The following DPY19L1 variants were observed in gnomAD, a reference collection of about 807,000 sequenced individuals.
The protein encoded by DPY19L1 is dpy-19 like C-mannosyltransferase 1.
Under a neutral mutation model 96.9 loss-of-function variants are expected in DPY19L1, and 35 were observed. That is an observed-to-expected ratio of 0.36 (90% CI 0.28 to 0.48). The LOEUF is 0.48. DPY19L1 is among the 20% of genes least tolerant of loss of function. DPY19L1 has a pLI of 0.99. For synonymous variants in DPY19L1, 205 were observed against 252.6 expected (o/e 0.81, Z 1.79); for missense variants, 521 against 777.9 (o/e 0.67, Z 3.93).
At chr7:34,982,013 G>C (rs1784950025) in intron 7 of DPY19L1, among the ~76,000 whole-genome samples, 1 of 152,072 alleles carries the variant, frequency 6.6e-6, no homozygotes, top group East Asian at 1.9e-4. Flanking sequence ...GAAACAATCA[G>C]ACAAATCCAA....
At position 35,032,643 on chromosome 7, in the gene DPY19L1, T is replaced by A. The variant is rs192366762; in HGVS notation, c.298+4454A>T. On this transcript the variant is annotated intron_variant, in intron 1 of 21. Coordinates refer to ENST00000638088, the MANE Select transcript of DPY19L1 (RefSeq NM_001366673.1). ...TCCCACCACTGATTGGCATTTCTAC[T>A]TGGACATCTCACAAATGTCCCAAAA... Among the ~76,000 whole-genome samples, 34 of 152,206 alleles carry A rather than the reference T, an allele frequency of 2.2e-4. No homozygotes were observed. In the East Asian group the frequency reaches 6.0e-3, roughly 27 times the overall value.
At chr7:34,980,705 C>T (rs1784922096) in intron 7 of DPY19L1, among the ~76,000 whole-genome samples, 1 of 152,124 alleles carries the variant, frequency 6.6e-6, no homozygotes, top group Non-Finnish European at 1.5e-5. Context: ...TATCATTACT[C>T]ATCAGGAAAA....
At chr7:35,001,883 T>C (rs1380169018) in intron 6 of DPY19L1, among the ~76,000 whole-genome samples, 1 of 151,908 alleles carries the variant, frequency 6.6e-6, no homozygotes, top group African/African-American at 2.4e-5. Context: ...CCCAGCACTT[T>C]GGGAGGCTGA....
intron 6 of DPY19L1, among the ~76,000 whole-genome samples, chr7:35,008,231 C>T (rs572447493): frequency 1.3e-5 from 2 of 152,272 alleles, no homozygotes; most frequent in East Asian, 3.9e-4. Context: ...ATCTTCCATT[C>T]ACACACACCC....
intron 1 of DPY19L1, among the ~76,000 whole-genome samples, chr7:35,027,486 A>C (rs954681113): frequency 1.3e-5 from 2 of 152,072 alleles, no homozygotes; most frequent in Non-Finnish European, 2.9e-5. Context: ...AATGTACTCT[A>C]TTAATAGAGA....
chr7:34,970,165 CAT>C (rs1468050808), intron 8 of DPY19L1, among the ~76,000 whole-genome samples: 2 of 152,168 alleles, frequency 1.3e-5, no homozygotes, highest in African/African-American at 2.4e-5. Flanking sequence ...AGCCCCCACA[CAT>C]GTCCATCTTC....
intron 6 of DPY19L1, among the ~76,000 whole-genome samples, chr7:35,009,484 A>G (rs1427490196): frequency 6.6e-6 from 1 of 152,226 alleles, no homozygotes; most frequent in Non-Finnish European, 1.5e-5. Context: ...ATGCTGCTCA[A>G]CTGTAAAGTA....
chr7:35,022,780 A>G (rs1447351499), intron 1 of DPY19L1, among the ~76,000 whole-genome samples: 2 of 142,292 alleles, frequency 1.4e-5, no homozygotes, highest in African/African-American at 4.9e-5. Context: ...ACACACACGC[A>G]CACACACACA....
intron 13 of DPY19L1, among the ~76,000 whole-genome samples, chr7:34,951,107 A>C (rs1277911218): frequency 6.6e-6 from 1 of 152,156 alleles, no homozygotes; most frequent in African/African-American, 2.4e-5. Flanking sequence ...TTAACAAAAA[A>C]GCAAGATTAT....
chr7:35,030,386 G>C (rs1411461736), intron 1 of DPY19L1, among the ~76,000 whole-genome samples: 2 of 152,180 alleles, frequency 1.3e-5, no homozygotes, highest in Non-Finnish European at 1.5e-5. Context: ...AACTGGTCAA[G>C]TGACTTATAA....
chr7:34,983,692 G>A (rs1165111340), intron 7 of DPY19L1, among the ~76,000 whole-genome samples: 1 of 151,416 alleles, frequency 6.6e-6, no homozygotes, highest in East Asian at 1.9e-4. Context: ...AAAAATGGGA[G>A]AAAAAGGAAC....
At chr7:35,026,666 A>C (rs772369699) in intron 1 of DPY19L1, among the ~76,000 whole-genome samples, 1 of 152,218 alleles carries the variant, frequency 6.6e-6, no homozygotes, top group Non-Finnish European at 1.5e-5. Flanking sequence ...TGACCTGGAG[A>C]CTAGTGATGA....
At chr7:34,939,019 G>C (rs576360931) in intron 20 of DPY19L1, 2 of 316,600 alleles carry the variant, frequency 6.3e-6, no homozygotes, top group Admixed American at 5.0e-5. Context: ...TAACCTGTGG[G>C]AAAGTGCTAT....
chr7:35,033,287 C>T (rs1377649782), intron 1 of DPY19L1, among the ~76,000 whole-genome samples: 1 of 151,970 alleles, frequency 6.6e-6, no homozygotes, highest in Non-Finnish European at 1.5e-5. Context: ...AGGGTATTTC[C>T]TTTTTTTTCT....
chr7:34,982,223 G>A (rs1019940915), intron 7 of DPY19L1, among the ~76,000 whole-genome samples: 5 of 152,166 alleles, frequency 3.3e-5, no homozygotes, highest in African/African-American at 1.2e-4. Context: ...AATATGGGCT[G>A]TATTAAGGTA....
Position 35,037,426 on chromosome 7 carries a change from G to A in DPY19L1, c.-32C>T. 3.1e-6 allele frequency: 1 copy of A among 321,742 alleles called. No homozygotes were observed. The highest frequency in any genetic ancestry group is 5.7e-6 in the Non-Finnish European group (1 of 176,248). The allele number at this position is 321,742 out of a possible 1,614,324, so 19.9% of individuals were successfully genotyped here. A position where few individuals can be genotyped will look rare whatever the true frequency, so the allele number is the denominator to read the frequency against. ...ATAGTCGCGCCCGCTCGCTGCGCGC[G>A]CCCGGACGGCGGCCAGAGAACGGCG... On this transcript the variant is annotated 5_prime_UTR_variant, in exon 1 of 22. Coordinates refer to ENST00000638088, the MANE Select transcript of DPY19L1 (RefSeq NM_001366673.1).
At chr7:35,027,420 A>C (rs1786150255) in intron 1 of DPY19L1, among the ~76,000 whole-genome samples, 1 of 152,062 alleles carries the variant, frequency 6.6e-6, no homozygotes, top group Non-Finnish European at 1.5e-5. Flanking sequence ...TGGCAGTTTT[A>C]ATTTGTTTTC....
chr7:34,961,463 C>T (rs1784500085), intron 10 of DPY19L1, among the ~76,000 whole-genome samples: 1 of 152,124 alleles, frequency 6.6e-6, no homozygotes, highest in African/African-American at 2.4e-5. Context: ...TAAATCTAGA[C>T]ATAAGACTTT....
At chr7:34,977,688 AAAAT>A (rs1784857785) in intron 7 of DPY19L1, among the ~76,000 whole-genome samples, 1 of 152,224 alleles carries the variant, frequency 6.6e-6, no homozygotes, top group Non-Finnish European at 1.5e-5. Context: ...ACGTTTCAAC[AAAAT>A]AAATATTTTT....
Sources: allele counts gnomAD v4.1 joint callset (sites outside exome capture counted in the v4.1 genomes callset), GRCh38; gene constraint gnomAD v4.1.1; transcripts MANE v1.5; gene names NCBI Gene and HGNC (gene_info 2026-07-23, HGNC 2026-07-21).